The following CDH6 variants were observed in gnomAD, a reference collection of about 807,000 sequenced individuals.
CDH6 encodes the protein cadherin 6, also known as cadherin-6.
CDH6 carries 31 observed loss-of-function variants against 78.0 expected under a neutral mutation model. The ratio of observed to expected loss-of-function variants is 0.40; its 90% CI spans 0.30 to 0.54. CDH6 has a LOEUF of 0.54. Ranked by LOEUF, CDH6 falls within the 20% of genes least tolerant of loss-of-function variation. The pLI is 0.56. For synonymous variants in CDH6, 376 were observed against 368.8 expected (o/e 1.02, Z -0.23); for missense variants, 724 against 975.9 (o/e 0.74, Z 3.44).
chr5:31,238,529 T>G (rs1453036993), intron 1 of CDH6, among the ~76,000 whole-genome samples: 1 of 152,228 alleles, frequency 6.6e-6, no homozygotes, highest in East Asian at 1.9e-4. Context: ...TCTTTTGTTT[T>G]CACTATCGTA....
At chr5:31,268,086 AG>A (rs1485115636) in intron 2 of CDH6, among the ~76,000 whole-genome samples, 1 of 152,200 alleles carries the variant, frequency 6.6e-6, no homozygotes, top group East Asian at 1.9e-4. Context: ...TCATTCTAAA[AG>A]CAAATGTTCT....
At chr5:31,213,231 G>A (rs562311630) in intron 1 of CDH6, among the ~76,000 whole-genome samples, 7 of 152,152 alleles carry the variant, frequency 4.6e-5, no homozygotes, top group African/African-American at 1.2e-4. Flanking sequence ...CAATGAAAGC[G>A]CAGAATTAAG....
Position 31,261,704 on chromosome 5 carries a change from A to G in CDH6, c.-128-5642A>G, listed in dbSNP as rs1169497666. On this transcript the variant is annotated intron_variant, in intron 1 of 11. Coordinates refer to ENST00000265071, the MANE Select transcript of CDH6 (RefSeq NM_004932.4). ...TGTAAGTCTAGATAGCATTATAGTA[A>G]TATTGCACTGATTAGAATTAATCAA... 2.0e-5 allele frequency among the ~76,000 whole-genome samples: 3 copies of G among 152,234 alleles called. No homozygotes were observed. In the East Asian group the frequency reaches 5.8e-4, roughly 29 times the overall value.
At chr5:31,306,498 G>A (rs773123812) in intron 7 of CDH6, among the ~76,000 whole-genome samples, 12 of 152,246 alleles carry the variant, frequency 7.9e-5, no homozygotes, top group Non-Finnish European at 1.5e-4. Context: ...AGCTGGGCAC[G>A]GTGGCTCACG....
chr5:31,243,403 G>T (rs1246616079), intron 1 of CDH6, among the ~76,000 whole-genome samples: 1 of 152,174 alleles, frequency 6.6e-6, no homozygotes, highest in African/African-American at 2.4e-5. Flanking sequence ...AAGCACAGGG[G>T]GTGGTTGGGG....
At chr5:31,233,726 G>A (rs1478383520) in intron 1 of CDH6, among the ~76,000 whole-genome samples, 2 of 152,068 alleles carry the variant, frequency 1.3e-5, no homozygotes, top group Non-Finnish European at 2.9e-5. Context: ...CCCATGACTG[G>A]CTCATTGTCA....
At chr5:31,208,404 A>G (rs1023390074) in intron 1 of CDH6, among the ~76,000 whole-genome samples, 1 of 152,176 alleles carries the variant, frequency 6.6e-6, no homozygotes, top group Non-Finnish European at 1.5e-5. Flanking sequence ...AGGATCTTTT[A>G]TATTACGACA....
chr5:31,215,439 G>C (rs533180634), intron 1 of CDH6, among the ~76,000 whole-genome samples: 1 of 152,208 alleles, frequency 6.6e-6, no homozygotes, highest in East Asian at 1.9e-4. Flanking sequence ...TTGCTGACTG[G>C]AGCAAATCAA....
At chr5:31,215,661 A>T (rs1740842141) in intron 1 of CDH6, among the ~76,000 whole-genome samples, 1 of 152,050 alleles carries the variant, frequency 6.6e-6, no homozygotes, top group Admixed American at 6.6e-5. Context: ...CAGATGCAGG[A>T]CGGAATCAAG....
At chr5:31,207,523 C>T (rs372388827) in intron 1 of CDH6, among the ~76,000 whole-genome samples, 4 of 152,158 alleles carry the variant, frequency 2.6e-5, no homozygotes, top group East Asian at 1.9e-4. Flanking sequence ...TTAGTCTAAG[C>T]GTAACTGTAA....
At chr5:31,231,875 G>C (rs1741319368) in intron 1 of CDH6, among the ~76,000 whole-genome samples, 1 of 152,122 alleles carries the variant, frequency 6.6e-6, no homozygotes, top group Non-Finnish European at 1.5e-5. Flanking sequence ...AGAGATAAAA[G>C]GGCATTACCA....
intron 1 of CDH6, among the ~76,000 whole-genome samples, chr5:31,255,005 CTCTT>C (rs1742017667): frequency 1.3e-5 from 2 of 152,152 alleles, no homozygotes; most frequent in African/African-American, 4.8e-5. Context: ...TACACAAATG[CTCTT>C]TCTATTAAAA....
At chr5:31,207,328 A>G (rs1483374341) in intron 1 of CDH6, among the ~76,000 whole-genome samples, 1 of 152,066 alleles carries the variant, frequency 6.6e-6, no homozygotes, top group Non-Finnish European at 1.5e-5. Context: ...ATGTGTTGAC[A>G]CTCACACTCC....
In CDH6 at chr5:31,323,433, C is replaced by A; in HGVS notation, c.*125C>A. 1 of 1,082,222 alleles carries A rather than the reference C, an allele frequency of 9.2e-7. No homozygotes were observed. The highest frequency in any genetic ancestry group is 1.3e-6 in the Non-Finnish European group (1 of 755,606). The allele number at this position is 1,082,222 out of a possible 1,614,324, so 67.0% of individuals were successfully genotyped here. A position where few individuals can be genotyped will look rare whatever the true frequency, so the allele number is the denominator to read the frequency against. ...CGTTCCAAAAGCCAATGGCTGCAGTCCGTGTGGATCCAATGTTAGAGACTT... is the reference window on the plus strand; with the variant it reads ...CGTTCCAAAAGCCAATGGCTGCAGTACGTGTGGATCCAATGTTAGAGACTT... On this transcript the variant is annotated 3_prime_UTR_variant, in exon 12 of 12. Transcript: ENST00000265071.
At chr5:31,300,352 T>C (rs2149950626) in intron 5 of CDH6, among the ~76,000 whole-genome samples, 1 of 152,306 alleles carries the variant, frequency 6.6e-6, no homozygotes, top group Non-Finnish European at 1.5e-5. Context: ...ATCTCAATTA[T>C]TCAATAGAAA....
chr5:31,285,869 A>T (rs935740915), intron 2 of CDH6, among the ~76,000 whole-genome samples: 1 of 152,182 alleles, frequency 6.6e-6, no homozygotes, highest in Non-Finnish European at 1.5e-5. Flanking sequence ...TATTAAAGAA[A>T]TGCTTTCAGG....
At chr5:31,250,451 A>C (rs1181773518) in intron 1 of CDH6, 1 of 152,156 alleles carries the variant, frequency 6.6e-6, no homozygotes, top group African/African-American at 2.4e-5. Flanking sequence ...AGATCTCTCC[A>C]CCTCTTCTGA....
At chr5:31,260,190 A>G (rs1362074141) in intron 1 of CDH6, among the ~76,000 whole-genome samples, 1 of 152,168 alleles carries the variant, frequency 6.6e-6, no homozygotes, top group Non-Finnish European at 1.5e-5. Flanking sequence ...CCTCACATGA[A>G]TTCATTCATT....
chr5:31,197,411 C>T (rs994961123), intron 1 of CDH6, among the ~76,000 whole-genome samples: 4 of 152,072 alleles, frequency 2.6e-5, no homozygotes, highest in African/African-American at 7.2e-5. Flanking sequence ...CTTTGGTGTC[C>T]GTCAGAATTA....
Sources: gnomAD v4.1 joint callset for allele counts (sites outside exome capture counted in the v4.1 genomes callset) on GRCh38, gnomAD v4.1.1 for gene constraint, MANE v1.5 for transcripts, NCBI Gene and HGNC (gene_info 2026-07-23, HGNC 2026-07-21) for gene names.